Variants in NALF1 observed in about 807,000 individuals in gnomAD.
NALF1 encodes family with sequence similarity 155 member A.
Under a neutral mutation model 48.4 loss-of-function variants are expected in NALF1, and 3 were observed. That is an observed-to-expected ratio of 0.06 (90% CI 0.03 to 0.16). NALF1 has a LOEUF of 0.16. Among genes scored for constraint, NALF1 ranks in the 10% least tolerant of loss-of-function variants. The probability of loss-of-function intolerance (pLI) is 1.00; values close to 1 mark genes in which losing one functional copy is unlikely to be tolerated. For missense variants in NALF1, 526 were observed against 571.5 expected (o/e 0.92, Z 0.81); for synonymous variants, 262 against 245.7 (o/e 1.07, Z -0.62).
chr13:107,376,068 A>G (rs1051044240), intron 1 of NALF1, among the ~76,000 whole-genome samples: 3 of 152,136 alleles, frequency 2.0e-5, no homozygotes, highest in African/African-American at 7.2e-5. Flanking sequence ...TGAATTGCTC[A>G]TTTGGAAGCC....
intron 1 of NALF1, among the ~76,000 whole-genome samples, chr13:107,544,157 C>T (rs1877072703): frequency 6.6e-6 from 1 of 152,068 alleles, no homozygotes; most frequent in Non-Finnish European, 1.5e-5. Flanking sequence ...GCAGAGCAAT[C>T]TAAATTATGA....
At chr13:107,647,424 A>G (rs1292412641) in intron 1 of NALF1, among the ~76,000 whole-genome samples, 1 of 151,714 alleles carries the variant, frequency 6.6e-6, no homozygotes, top group Non-Finnish European at 1.5e-5. Flanking sequence ...GCTCCAGTTC[A>G]TTCCTTTTAA....
chr13:107,592,981 T>C (rs1001201560), intron 1 of NALF1, among the ~76,000 whole-genome samples: 2 of 151,860 alleles, frequency 1.3e-5, no homozygotes, highest in South Asian at 4.1e-4. Context: ...AAATCTTTTA[T>C]AGATATATAA....
At chr13:107,381,721 C>T (rs1883443635) in intron 1 of NALF1, among the ~76,000 whole-genome samples, 1 of 152,152 alleles carries the variant, frequency 6.6e-6, no homozygotes, top group African/African-American at 2.4e-5. Context: ...CTGGGGGCAC[C>T]AGGAGAAAGG....
At chr13:107,687,285 T>C (rs1432020487) in intron 1 of NALF1, among the ~76,000 whole-genome samples, 1 of 151,282 alleles carries the variant, frequency 6.6e-6, no homozygotes, top group Admixed American at 6.6e-5. Context: ...CAACAGACAC[T>C]GGGCACTCCA....
intron 1 of NALF1, among the ~76,000 whole-genome samples, chr13:107,516,657 T>C (rs1488066046): frequency 2.0e-5 from 3 of 152,150 alleles, no homozygotes; most frequent in African/African-American, 7.2e-5. Flanking sequence ...TTAAGATCTC[T>C]GCTATAAACA....
intron 1 of NALF1, among the ~76,000 whole-genome samples, chr13:107,628,631 T>C (rs1026276929): frequency 1.3e-5 from 2 of 152,184 alleles, no homozygotes; most frequent in African/African-American, 4.8e-5. Context: ...AACCATTGTC[T>C]TAAGCAATGC....
chr13:107,713,988 G>A (rs1356556916), intron 1 of NALF1, among the ~76,000 whole-genome samples: 2 of 152,214 alleles, frequency 1.3e-5, no homozygotes, highest in African/African-American at 4.8e-5. Flanking sequence ...CAGAGGAGAA[G>A]AAAGGGGCTC....
chr13:107,565,480 A>G (rs1877784413), intron 1 of NALF1, among the ~76,000 whole-genome samples: 1 of 152,172 alleles, frequency 6.6e-6, no homozygotes, highest in South Asian at 2.1e-4. Context: ...CAATGTTCTA[A>G]TAAAAACAAA....
chr13:107,606,290 T>G (rs4772891), intron 1 of NALF1, among the ~76,000 whole-genome samples: 2 of 90,086 alleles, frequency 2.2e-5, no homozygotes, highest in African/African-American at 7.8e-5. Flanking sequence ...ATGTGTGTGT[T>G]TGTGTGTGTA....
intron 1 of NALF1, among the ~76,000 whole-genome samples, chr13:107,526,644 T>C (rs1196417464): frequency 6.6e-6 from 1 of 152,160 alleles, no homozygotes; most frequent in Non-Finnish European, 1.5e-5. Flanking sequence ...GGAATTGCTG[T>C]TTTATCAATA....
At chr13:107,834,003 T>C (rs1295187081) in intron 1 of NALF1, among the ~76,000 whole-genome samples, 1 of 152,082 alleles carries the variant, frequency 6.6e-6, no homozygotes, top group Admixed American at 6.6e-5. Context: ...TACCCATGGA[T>C]TCAACTGAGG....
Position 107,705,947 on chromosome 13 carries a change from G to GAGAGAGAGAGAA in NALF1, c.915+159723_915+159734dup, listed in dbSNP as rs1487385858. Among the ~76,000 whole-genome samples, 3 of 152,242 alleles carry GAGAGAGAGAGAA rather than the reference G, an allele frequency of 2.0e-5. No homozygotes were observed. In the East Asian group the frequency reaches 5.8e-4, roughly 29 times the overall value. ...ATACATAATGCAGATATTTAAGAGA[G>GAGAGAGAGAGAA]AGAGAGAGAGAAAGAGATAGACTCT... On this transcript the variant is annotated intron_variant, in intron 1 of 2. Coordinates refer to ENST00000375915, the MANE Select transcript of NALF1 (RefSeq NM_001080396.3).
chr13:107,563,550 G>C (rs917859688), intron 1 of NALF1, among the ~76,000 whole-genome samples: 3 of 152,158 alleles, frequency 2.0e-5, no homozygotes, highest in Non-Finnish European at 4.4e-5. Flanking sequence ...AATAGTGACA[G>C]ATATTTGCAA....
chr13:107,213,528 G>C (rs573714766), intron 1 of NALF1, among the ~76,000 whole-genome samples: 49 of 152,280 alleles, frequency 3.2e-4, no homozygotes, highest in Non-Finnish European at 5.7e-4. Context: ...CAGAAAACAA[G>C]TGGGGGAAAC....
Position 107,565,103 on chromosome 13 carries a change from C to CAA in NALF1, c.915+300577_915+300578dup, listed in dbSNP as rs201608856. On this transcript the variant is annotated intron_variant, in intron 1 of 2. Transcript: ENST00000375915. ...AAAAAAACCTAGCATAAGTAAAAGA[C>CAA]AAAAAAAAAAAACAGACATAAACAA... is the stretch of plus-strand genomic sequence containing the variant. 9.1e-3 allele frequency among the ~76,000 whole-genome samples: 707 copies of CAA among 77,316 alleles called. 10 individuals are homozygous for CAA. The highest frequency in any genetic ancestry group is 0.027 in the African/African-American group (543 of 19,908). The allele number at this position is 77,316 out of a possible 152,430, so 50.7% of individuals were successfully genotyped here.
chr13:107,206,013 T>A (rs1467378509), intron 2 of NALF1, among the ~76,000 whole-genome samples: 1 of 152,106 alleles, frequency 6.6e-6, no homozygotes, highest in Non-Finnish European at 1.5e-5. Context: ...ACTTTAAAGA[T>A]GAAGCAACTG....
At chr13:107,295,211 G>A (rs1881702884) in intron 1 of NALF1, among the ~76,000 whole-genome samples, 1 of 152,052 alleles carries the variant, frequency 6.6e-6, no homozygotes, top group Non-Finnish European at 1.5e-5. Context: ...TCAATGTTTA[G>A]TTCCTGCTAA....
rs533004332 is a variant in NALF1 at position 107,360,725 on chromosome 13, C to T, written c.916-149970G>A. 1.9e-4 allele frequency among the ~76,000 whole-genome samples: 29 copies of T among 152,094 alleles called. 1 individual carries two copies. In the South Asian group the frequency reaches 4.1e-3, roughly 22 times the overall value. ...CATTGTCACAAATGTAAATTAAATA[C>T]CTCAATGTAATCAAATTGCCTTTAT... is the stretch of plus-strand genomic sequence containing the variant. On this transcript the variant is annotated intron_variant, in intron 1 of 2. Coordinates refer to ENST00000375915, the MANE Select transcript of NALF1 (RefSeq NM_001080396.3).
Sources: gnomAD v4.1 joint callset for allele counts (sites outside exome capture counted in the v4.1 genomes callset) on GRCh38, gnomAD v4.1.1 for gene constraint, MANE v1.5 for transcripts, NCBI Gene and HGNC (gene_info 2026-07-23, HGNC 2026-07-21) for gene names.